CSKMT: variants seen among roughly 807,000 people sequenced by gnomAD.
CSKMT encodes citrate synthase lysine methyltransferase.
CSKMT carries 6 observed loss-of-function variants against 4.6 expected under a neutral mutation model. The ratio of observed to expected loss-of-function variants is 1.31; its 90% CI spans 0.72 to 2.59. CSKMT has a LOEUF of 2.59. CSKMT is among the 30% of genes most tolerant of loss of function. CSKMT has a pLI of 0.00. For synonymous variants in CSKMT, 142 were observed against 128.9 expected (o/e 1.10, Z -0.69); for missense variants, 328 against 298.0 (o/e 1.10, Z -0.74).
At chr11:62,666,047 A>T in intron 2 of CSKMT, 101 bp downstream of exon 2, 1 of 1,333,476 alleles carries the variant, frequency 7.5e-7, no homozygotes, top group Non-Finnish European at 1.0e-6. Context: ...TGAAATTGTG[A>T]TTCTCAAACC....
At position 62,666,379 on chromosome 11, in the gene CSKMT, T is replaced by C; in HGVS notation, c.68-17T>C. 1 of 1,604,978 alleles carries C rather than the reference T, an allele frequency of 6.2e-7. No homozygotes were observed. Among genetic ancestry groups the C allele is most frequent in the Non-Finnish European group, 8.5e-7 (1 of 1,179,872 alleles). On this transcript the variant is annotated splice_polypyrimidine_tract_variant and intron_variant, in intron 2 of 2. Coordinates refer to ENST00000532971, the MANE Select transcript of CSKMT (RefSeq NM_001043229.2). Reference sequence around the variant, plus strand: ...TGGCGACATAGACCAAGTGACACCCTCCAACCGTGCCCACAGGCTCACTGG... The same window carrying C: ...TGGCGACATAGACCAAGTGACACCCCCCAACCGTGCCCACAGGCTCACTGG...
In CSKMT at chr11:62,665,580, GAGA is replaced by G. The variant is rs766791486; in HGVS notation, c.-233-64_-233-62del. The G allele has an allele frequency of 3.4e-4, 538 of 1,570,912 alleles. 2 individuals carry two copies. The highest frequency in any genetic ancestry group is 3.8e-4 in the Non-Finnish European group (445 of 1,163,972). Reference sequence around the variant, plus strand: ...AAACGCCGGGACACCGGGAATCTCGGAGAAGGACAACCGAGATCCAGCTGGCTC... The same window carrying G: ...AAACGCCGGGACACCGGGAATCTCGGAGGACAACCGAGATCCAGCTGGCTC... On this transcript the variant is annotated intron_variant, in intron 1 of 2. Transcript: ENST00000532971.
In CSKMT at chr11:62,666,931, C is replaced by A. The variant is rs1193655409; in HGVS notation, c.603C>A (p.Asp201Glu). The A allele has an allele frequency of 6.2e-7, 1 of 1,614,110 alleles. No individual in the cohort carries two copies. The highest frequency in any genetic ancestry group is 2.2e-5 in the East Asian group (1 of 44,864). ...CCCTGATTCAGTTCTCAGATGAGGACCCTGATGTGCGACTGCCCTGCCTGG... is the reference window on the plus strand; with the variant it reads ...CCCTGATTCAGTTCTCAGATGAGGAACCTGATGTGCGACTGCCCTGCCTGG... ...QGTLIQFSDE[D>E]PDVRLPCLEQ... Residue 201 changes from aspartate to glutamate, a missense_variant, in exon 3 of 3, where the codon GAC becomes GAA. Coordinates refer to ENST00000532971, the MANE Select transcript of CSKMT (RefSeq NM_001043229.2).
In CSKMT at chr11:62,667,756, G is replaced by A. The variant is rs1038990864; in HGVS notation, c.*705G>A. 3 of 1,569,912 alleles carry A rather than the reference G, an allele frequency of 1.9e-6. No individual in the cohort carries two copies. In the African/African-American group the frequency reaches 4.1e-5, roughly 21 times the overall value. Reference sequence around the variant, plus strand: ...TGGGCTCCAAGCCCAGCCTGGGATGGAGGAAGAGAGGGGACAAAAATATTA... The same window carrying A: ...TGGGCTCCAAGCCCAGCCTGGGATGAAGGAAGAGAGGGGACAAAAATATTA... On this transcript the variant is annotated 3_prime_UTR_variant, in exon 3 of 3. Transcript: ENST00000532971.
rs1316431802 is a variant in CSKMT, at chr11:62,665,777, A to C, written c.-103A>C. ...GGGAAGCTGTACGCCGCCTTTCGCT[A>C]CGCGGAATTTGCAGATCTTCCCCTG... On this transcript the variant is annotated 5_prime_UTR_variant, in exon 2 of 3. Coordinates refer to ENST00000532971, the MANE Select transcript of CSKMT (RefSeq NM_001043229.2). 9 of 1,537,012 alleles carry C rather than the reference A, an allele frequency of 5.9e-6. No homozygotes were observed. Among genetic ancestry groups the C allele is most frequent in the Non-Finnish European group, 7.9e-6 (9 of 1,139,768 alleles).
At chr11:62,665,514 T>C (rs1225418413) in intron 1 of CSKMT, 133 bp from the exon 2 acceptor site, 1 of 1,571,404 alleles carries the variant, frequency 6.4e-7, no homozygotes, top group South Asian at 1.1e-5. Flanking sequence ...CGGCGTCATG[T>C]CTTCGGTGCT....
chr11:62,665,491 G>A (rs1379624750), intron 1 of CSKMT, 156 bp from the exon 2 acceptor site: 1 of 1,575,620 alleles, frequency 6.3e-7, no homozygotes, highest in African/African-American at 1.3e-5. Context: ...GAGGGAAAGG[G>A]CTCTGGCCCC....
intron 2 of CSKMT, 159 bp from the exon 3 acceptor site, chr11:62,666,237 G>A: frequency 1.2e-6 from 1 of 806,772 alleles, no homozygotes; most frequent in South Asian, 1.5e-5. Context: ...TCAGGAGGCT[G>A]AGGTGGAGGC....
chr11:62,665,573 A>C lies in CSKMT; in HGVS notation c.-233-74A>C, dbSNP rs1234020085. ...TATCCTCAAACGCCGGGACACCGGG[A>C]ATCTCGGAGAAGGACAACCGAGATC... On this transcript the variant is annotated intron_variant, in intron 1 of 2. Transcript: ENST00000532971. The C allele has an allele frequency of 2.5e-6, 4 of 1,568,930 alleles. No individual in the cohort carries two copies. In the African/African-American group the frequency reaches 4.0e-5, roughly 16 times the overall value.
rs1394560208 is a variant in CSKMT at position 62,667,774 on chromosome 11, A to C, written c.*723A>C. On this transcript the variant is annotated 3_prime_UTR_variant, in exon 3 of 3. Transcript: ENST00000532971. ...TGGGATGGAGGAAGAGAGGGGACAA[A>C]AATATTACTGATATATTATCAAATT... 2.1e-6 allele frequency: 3 copies of C among 1,429,944 alleles called. No individual in the cohort carries two copies. Among genetic ancestry groups the C allele is most frequent in the Non-Finnish European group, 2.9e-6 (3 of 1,021,532 alleles). The allele number at this position is 1,429,944 out of a possible 1,614,324, so 88.6% of individuals were successfully genotyped here.
intron 2 of CSKMT, chr11:62,666,149 C>G (rs1041301983): frequency 1.2e-5 from 9 of 728,544 alleles, no homozygotes; most frequent in Non-Finnish European, 1.6e-5. Flanking sequence ...GAGTTCGAGA[C>G]CAACCTAGGG....
Position 62,666,924 on chromosome 11 carries a change from A to T in CSKMT, c.596A>T (p.Asp199Val). 6.2e-7 allele frequency: 1 copy of T among 1,613,832 alleles called. No individual in the cohort carries two copies. The highest frequency in any genetic ancestry group is 1.1e-5 in the South Asian group (1 of 90,954). Residue 199 changes from aspartate to valine, a missense_variant, in exon 3 of 3, where the codon GAT (aspartate) becomes GTT (valine). Physicochemically the swap from Asp to Val is radical, Grantham distance 152 (BLOSUM62 -3). Transcript: ENST00000532971. ...CAGGGGACCCTGATTCAGTTCTCAG[A>T]TGAGGACCCTGATGTGCGACTGCCC... is the stretch of plus-strand genomic sequence containing the variant. ...NPQGTLIQFSDEDPDVRLPCL... is the reference protein window; with the variant it reads ...NPQGTLIQFSVEDPDVRLPCL...
rs772597672 is a variant in CSKMT, at chr11:62,666,469, T to C, written c.141T>C (p.Thr47=). The C allele has an allele frequency of 6.8e-6, 11 of 1,613,854 alleles. No homozygotes were observed. The highest frequency in any genetic ancestry group is 9.3e-6 in the Non-Finnish European group (11 of 1,180,030). Residue 47 remains threonine, a synonymous_variant, in exon 3 of 3, where the codon ACT becomes ACC. Coordinates refer to ENST00000532971, the MANE Select transcript of CSKMT (RefSeq NM_001043229.2). Reference sequence around the variant, plus strand: ...TGCATGCCCAGCCTCGTTTGGGCACTGTCCCCACCTTCGACTGGTTCTTTG... The same window carrying C: ...TGCATGCCCAGCCTCGTTTGGGCACCGTCCCCACCTTCGACTGGTTCTTTG... ...DRLHAQPRLG[T]VPTFDWFFGY... is the part of the protein sequence containing the mutation.
At position 62,666,503 on chromosome 11, in the gene CSKMT, G is replaced by T; in HGVS notation, c.175G>T (p.Glu59Ter). ...CTTCGACTGGTTCTTTGGATACGAC[G>T]AAGTCCAGGGGCTCCTACTGCCATT... is the stretch of plus-strand genomic sequence containing the variant. ...PTFDWFFGYD[E>*]VQGLLLPLLQ... is the part of the protein sequence containing the mutation. Residue 59 changes from glutamate (E) to a stop codon, truncating the protein, a stop_gained, in exon 3 of 3, where the codon GAA becomes TAA. Coordinates refer to ENST00000532971, the MANE Select transcript of CSKMT (RefSeq NM_001043229.2). LOFTEE classifies it low-confidence loss of function (END_TRUNC). 1 of 1,614,090 alleles carries T rather than the reference G, an allele frequency of 6.2e-7. No homozygotes were observed. Among genetic ancestry groups the T allele is most frequent in the Non-Finnish European group, 8.5e-7 (1 of 1,180,038 alleles).
chr11:62,666,644 G>A lies in CSKMT; in HGVS notation c.316G>A (p.Val106Met), dbSNP rs753626421. Residue 106 changes from valine to methionine, a missense_variant, in exon 3 of 3, where the codon GTG becomes ATG. Coordinates refer to ENST00000532971, the MANE Select transcript of CSKMT (RefSeq NM_001043229.2). ...KSPHPVDVLG[V>M]DFSPVAVAHM... ...TCCACACCCAGTGGATGTGCTGGGG[G>A]TGGACTTTTCTCCTGTGGCTGTGGC... 6 of 1,614,064 alleles carry A rather than the reference G, an allele frequency of 3.7e-6. No homozygotes were observed. The East Asian group carries it at 6.7e-5, about 18-fold the overall frequency.
In CSKMT at chr11:62,665,737, G is replaced by A. The variant is rs2134620516; in HGVS notation, c.-143G>A. 6.8e-7 allele frequency: 1 copy of A among 1,473,800 alleles called. No individual in the cohort carries two copies. The highest frequency in any genetic ancestry group is 9.0e-7 in the Non-Finnish European group (1 of 1,112,804). The allele number at this position is 1,473,800 out of a possible 1,614,324, so 91.3% of individuals were successfully genotyped here. ...GTCTGTGTCCGCGTTCTTTTTTCCGGGACTGCAGAGTTCGGGGAAGCTGTA... is the reference window on the plus strand; with the variant it reads ...GTCTGTGTCCGCGTTCTTTTTTCCGAGACTGCAGAGTTCGGGGAAGCTGTA... On this transcript the variant is annotated 5_prime_UTR_variant, in exon 2 of 3. Coordinates refer to ENST00000532971, the MANE Select transcript of CSKMT (RefSeq NM_001043229.2).
At chr11:62,665,441 A>G (rs1590847421) in intron 1 of CSKMT, 109 bp downstream of exon 1, 1 of 1,551,322 alleles carries the variant, frequency 6.4e-7, no homozygotes, top group Non-Finnish European at 8.7e-7. Context: ...CTTGGCGGGG[A>G]TCGGGCTTGT....
Position 62,666,929 on chromosome 11 carries a change from G to T in CSKMT, c.601G>T (p.Asp201Tyr). Residue 201 changes from aspartate to tyrosine, a missense_variant, in exon 3 of 3, where the codon GAC becomes TAC. Asp to Tyr is a radical substitution (Grantham distance 160). Coordinates refer to ENST00000532971, the MANE Select transcript of CSKMT (RefSeq NM_001043229.2). ...QGTLIQFSDE[D>Y]PDVRLPCLEQ... ...GACCCTGATTCAGTTCTCAGATGAG[G>T]ACCCTGATGTGCGACTGCCCTGCCT... The T allele has an allele frequency of 1.2e-6, 2 of 1,614,102 alleles. No individual in the cohort carries two copies. Among genetic ancestry groups the T allele is most frequent in the East Asian group, 2.2e-5 (1 of 44,862 alleles).
chr11:62,667,998 G>A lies in CSKMT; in HGVS notation c.*947G>A, dbSNP rs936908924. ...TGGGAGGACTGCTTGAACCCTGGGA[G>A]GTCAAAGCTGCAATGGGCCATGATA... On this transcript the variant is annotated 3_prime_UTR_variant, in exon 3 of 3. Coordinates refer to ENST00000532971, the MANE Select transcript of CSKMT (RefSeq NM_001043229.2). The A allele has an allele frequency of 2.5e-5, 10 of 392,518 alleles. No individual in the cohort carries two copies. Among genetic ancestry groups the A allele is most frequent in the Admixed American group, 1.6e-4 (4 of 25,278 alleles). The allele number at this position is 392,518 out of a possible 1,614,324, so 24.3% of individuals were successfully genotyped here. A position where few individuals can be genotyped will look rare whatever the true frequency, so the allele number is the denominator to read the frequency against.
Sources: allele counts gnomAD v4.1 joint callset, GRCh38; gene constraint gnomAD v4.1.1; transcripts MANE v1.5; gene names NCBI Gene and HGNC (gene_info 2026-07-23, HGNC 2026-07-21).